MAML2: variants seen among roughly 807,000 people sequenced by gnomAD.
The protein encoded by MAML2 is mastermind-like protein 2.
A neutral mutation model predicts 96.1 loss-of-function variants in MAML2; 22 were observed. That is an observed-to-expected ratio of 0.23 (90% CI 0.16 to 0.33). The LOEUF (loss-of-function observed/expected upper bound fraction) is 0.33, where lower values mean the gene tolerates loss of function less well. MAML2 is among the 10% of genes least tolerant of loss of function. The probability of loss-of-function intolerance (pLI) is 1.00; values close to 1 mark genes in which losing one functional copy is unlikely to be tolerated. For missense variants in MAML2, 1,367 were observed against 1,392.4 expected (o/e 0.98, Z 0.29); for synonymous variants, 561 against 521.3 (o/e 1.08, Z -1.04).
intron 2 of MAML2, among the ~76,000 whole-genome samples, chr11:96,023,923 T>G (rs1397768615): frequency 6.6e-6 from 1 of 152,164 alleles, no homozygotes; most frequent in African/African-American, 2.4e-5. Flanking sequence ...GACAGAATCA[T>G]CTTAAAAATG....
chr11:96,198,687 C>T (rs533615518), intron 1 of MAML2, among the ~76,000 whole-genome samples: 1 of 151,948 alleles, frequency 6.6e-6, no homozygotes, highest in Non-Finnish European at 1.5e-5. Context: ...ATTAGGCTTC[C>T]GGGAAAAGGT....
intron 1 of MAML2, among the ~76,000 whole-genome samples, chr11:96,248,284 G>A (rs774660932): frequency 1.3e-5 from 2 of 151,256 alleles, no homozygotes; most frequent in Non-Finnish European, 3.0e-5. Context: ...GGCTAATTTT[G>A]TATTTTTAGT....
intron 2 of MAML2, among the ~76,000 whole-genome samples, chr11:96,048,153 C>A (rs1288165219): frequency 6.6e-6 from 1 of 152,052 alleles, no homozygotes; most frequent in Non-Finnish European, 1.5e-5. Flanking sequence ...GTTACCTCAG[C>A]ACTTCAGATC....
intron 2 of MAML2, among the ~76,000 whole-genome samples, chr11:96,045,513 C>T (rs1858882382): frequency 6.6e-6 from 1 of 152,146 alleles, no homozygotes. Flanking sequence ...AAGATTAAGT[C>T]CTTTACCCCT....
At chr11:96,052,928 G>A (rs1348991197) in intron 2 of MAML2, among the ~76,000 whole-genome samples, 2 of 152,234 alleles carry the variant, frequency 1.3e-5, no homozygotes, top group Non-Finnish European at 2.9e-5. Context: ...CCCACCTCAG[G>A]TGATGAGCCT....
chr11:96,065,929 C>T (rs549119939), intron 2 of MAML2, among the ~76,000 whole-genome samples: 43 of 152,220 alleles, frequency 2.8e-4, no homozygotes, highest in South Asian at 1.0e-3. Context: ...TGGGCCCAGG[C>T]GCAATAGGAA....
chr11:96,161,584 T>G (rs531050286), intron 1 of MAML2, among the ~76,000 whole-genome samples: 36 of 152,270 alleles, frequency 2.4e-4, no homozygotes, highest in African/African-American at 8.2e-4. Context: ...ATACTGGAAT[T>G]ATTTACTTCC....
At chr11:96,325,473 C>T (rs1468119186) in intron 1 of MAML2, among the ~76,000 whole-genome samples, 1 of 152,180 alleles carries the variant, frequency 6.6e-6, no homozygotes, top group Non-Finnish European at 1.5e-5. Context: ...GTCTGTTTCA[C>T]ATTTGTAAAC....
intron 2 of MAML2, among the ~76,000 whole-genome samples, chr11:96,049,117 T>A (rs980481605): frequency 6.6e-6 from 1 of 152,218 alleles, no homozygotes; most frequent in African/African-American, 2.4e-5. Flanking sequence ...TTAGCAGGTC[T>A]TCAAGGTAGA....
At chr11:95,985,479 T>G (rs989726637) in intron 4 of MAML2, 52 bp downstream of exon 4, 34 of 1,110,356 alleles carry the variant, frequency 3.1e-5, no homozygotes, top group Non-Finnish European at 4.0e-5. Context: ...AAAATTGAAG[T>G]TTTTTTTTCC....
intron 1 of MAML2, among the ~76,000 whole-genome samples, chr11:96,275,774 C>T (rs1339942576): frequency 6.6e-6 from 1 of 152,122 alleles, no homozygotes; most frequent in Non-Finnish European, 1.5e-5. Context: ...TCCTACAAAT[C>T]AATAAAAATA....
At chr11:96,274,459 CTGT>C (rs373566594) in intron 1 of MAML2, among the ~76,000 whole-genome samples, 20 of 152,000 alleles carry the variant, frequency 1.3e-4, no homozygotes, top group African/African-American at 4.1e-4. Context: ...TATAGCTTTC[CTGT>C]TGTTGTATTT....
Position 96,106,283 on chromosome 11 carries a change from A to AT in MAML2, c.514-12767_514-12766insA, listed in dbSNP as rs1860019315. 3.9e-5 allele frequency among the ~76,000 whole-genome samples: 6 copies of AT among 152,344 alleles called. No homozygotes were observed. The South Asian group carries it at 1.2e-3, about 32-fold the overall frequency. ...CACCTCACCTATATTGAAAAATAAAACTTTTGGCAGGTCAAAATTGTGAAT... is the reference window on the plus strand; with the variant it reads ...CACCTCACCTATATTGAAAAATAAAATCTTTTGGCAGGTCAAAATTGTGAAT... On this transcript the variant is annotated intron_variant, in intron 1 of 4. Coordinates refer to ENST00000524717, the MANE Select transcript of MAML2 (RefSeq NM_032427.4).
intron 2 of MAML2, among the ~76,000 whole-genome samples, chr11:96,086,266 T>C (rs991403477): frequency 6.6e-6 from 1 of 152,232 alleles, no homozygotes; most frequent in Non-Finnish European, 1.5e-5. Context: ...ATTTTCATCA[T>C]ATGAACGAAT....
chr11:96,282,256 A>AT (rs1565272360), intron 1 of MAML2, among the ~76,000 whole-genome samples: 25 of 147,918 alleles, frequency 1.7e-4, no homozygotes, highest in African/African-American at 5.2e-4. Flanking sequence ...CTCAAAAAAA[A>AT]AATAATAATA....
intron 2 of MAML2, among the ~76,000 whole-genome samples, chr11:96,088,972 C>T (rs1380717088): frequency 6.6e-6 from 1 of 151,616 alleles, no homozygotes; most frequent in Non-Finnish European, 1.5e-5. Context: ...AGCAGAGAAC[C>T]AAGATTTTCA....
intron 1 of MAML2, among the ~76,000 whole-genome samples, chr11:96,166,177 T>TCTCTCTCTCTCTCACA (rs530578845): frequency 1.8e-5 from 2 of 110,330 alleles, no homozygotes; most frequent in Admixed American, 9.5e-5. Context: ...TCTCTCTCTC[T>TCTCTCTCTCTCTCACA]CACACACACA....
At chr11:96,025,499 T>C (rs1055054077) in intron 2 of MAML2, among the ~76,000 whole-genome samples, 3 of 152,200 alleles carry the variant, frequency 2.0e-5, no homozygotes, top group Non-Finnish European at 4.4e-5. Flanking sequence ...CAGCATCATA[T>C]ACTCTGGTAA....
intron 2 of MAML2, among the ~76,000 whole-genome samples, chr11:96,085,175 TG>T (rs1859589737): frequency 2.0e-5 from 3 of 152,236 alleles, no homozygotes; most frequent in African/African-American, 7.2e-5. Context: ...CGTATGTGTG[TG>T]TGTGTGTGTT....
Sources: gnomAD v4.1 joint callset for allele counts (sites outside exome capture counted in the v4.1 genomes callset) on GRCh38, gnomAD v4.1.1 for gene constraint, MANE v1.5 for transcripts, NCBI Gene and HGNC (gene_info 2026-07-23, HGNC 2026-07-21) for gene names.